ATP6V0A4: variants seen among roughly 807,000 people sequenced by gnomAD.
The protein encoded by ATP6V0A4 is ATPase H+ transporting V0 subunit a4, also known as V-type proton ATPase 116 kDa subunit a 4.
In ATP6V0A4, 86 loss-of-function variants were observed where a neutral mutation model predicts 107.3. That is an observed-to-expected ratio of 0.80 (90% CI 0.67 to 0.96). The LOEUF (loss-of-function observed/expected upper bound fraction) is 0.96, where lower values mean the gene tolerates loss of function less well. ATP6V0A4 is among the 40% of genes least tolerant of loss of function. ATP6V0A4 has a pLI of 0.00. For missense variants in ATP6V0A4, 908 were observed against 1,045.6 expected (o/e 0.87, Z 1.81); for synonymous variants, 353 against 381.4 (o/e 0.93, Z 0.87).
At chr7:138,781,571 C>T (rs1273751671) in intron 2 of ATP6V0A4, among the ~76,000 whole-genome samples, 1 of 152,160 alleles carries the variant, frequency 6.6e-6, no homozygotes, top group African/African-American at 2.4e-5. Flanking sequence ...ACCTCGTGAT[C>T]CACCCACCCT....
At chr7:138,767,254 G>A (rs1293119625) in intron 5 of ATP6V0A4, among the ~76,000 whole-genome samples, 2 of 152,196 alleles carry the variant, frequency 1.3e-5, no homozygotes, top group South Asian at 2.1e-4. Context: ...CAGGCGAGGT[G>A]GCTCACGCCT....
At chr7:138,784,033 A>G (rs905102549) in intron 2 of ATP6V0A4, among the ~76,000 whole-genome samples, 3 of 151,852 alleles carry the variant, frequency 2.0e-5, no homozygotes, top group Non-Finnish European at 2.9e-5. Flanking sequence ...CTAGCCCCCA[A>G]AAGGGTGCCC....
At position 138,769,173 on chromosome 7, in the gene ATP6V0A4, G is replaced by A. The variant is rs146911574; in HGVS notation, c.196C>T (p.Arg66Cys). Residue 66 changes from arginine to cysteine, a missense_variant and splice_region_variant, in exon 4 of 22, where the codon CGT (arginine) becomes TGT (cysteine). Arg to Cys is a radical substitution (Grantham distance 180). Transcript: ENST00000310018. ...RRCESLERIL[R>C]FLEDEMQNEI... Reference sequence around the variant, plus strand: ...AAAAAAAAAAAAAAAATTGGCTTACGGAGGATTCTCTCCAGTGATTCACAC... The same window carrying A: ...AAAAAAAAAAAAAAAATTGGCTTACAGAGGATTCTCTCCAGTGATTCACAC... The A allele has an allele frequency of 5.1e-5, 82 of 1,607,500 alleles. No individual in the cohort carries two copies. The highest frequency in any genetic ancestry group is 6.3e-5 in the Non-Finnish European group (74 of 1,179,450).
chr7:138,708,012 TTTTATTTTATTTATTTA>T (rs1562973458), intron 21 of ATP6V0A4, among the ~76,000 whole-genome samples: 2 of 146,638 alleles, frequency 1.4e-5, no homozygotes, highest in African/African-American at 5.1e-5. Context: ...ATGATTTATG[TTTTATTTTATTTATTTA>T]TTTATTTATT....
intron 20 of ATP6V0A4, among the ~76,000 whole-genome samples, 153 bp downstream of exon 20, chr7:138,715,611 G>A (rs1264216238): frequency 6.6e-6 from 1 of 152,220 alleles, no homozygotes; most frequent in Non-Finnish European, 1.5e-5. Context: ...CAGACCCACA[G>A]AAAAGGCACC....
In ATP6V0A4 at chr7:138,746,003, A is replaced by AAG; in HGVS notation, c.1321-724_1321-723insCT. ...TAAAATATATATTATAAATATAAAT[A>AAG]ATATATATATTTATAACATAATATA... is the stretch of plus-strand genomic sequence containing the variant. On this transcript the variant is annotated intron_variant, in intron 13 of 21. Transcript: ENST00000310018. Among the ~76,000 whole-genome samples the AAG allele has an allele frequency of 4.5e-5, 2 of 44,216 alleles. 1 individual carries two copies. The highest frequency in any genetic ancestry group is 3.6e-3 in the East Asian group (2 of 548). 29.0% of individuals were successfully genotyped at this position (44,216 alleles called of 152,430 possible). A position where few individuals can be genotyped will look rare whatever the true frequency, so the allele number is the denominator to read the frequency against.
chr7:138,771,416 T>C (rs78914432), intron 2 of ATP6V0A4, 152 bp from the exon 3 acceptor site: 3 of 430,888 alleles, frequency 7.0e-6, no homozygotes, highest in East Asian at 3.8e-4. Flanking sequence ...TTTTTTTTTT[T>C]TCTTAGACAG....
intron 20 of ATP6V0A4, among the ~76,000 whole-genome samples, chr7:138,714,497 G>A (rs182316853): frequency 1.3e-5 from 2 of 152,290 alleles, no homozygotes; most frequent in East Asian, 3.9e-4. Flanking sequence ...CTTGAGGCCA[G>A]GAGTGTGAGA....
At chr7:138,717,630 G>A (rs905041375) in intron 19 of ATP6V0A4, among the ~76,000 whole-genome samples, 18 of 151,966 alleles carry the variant, frequency 1.2e-4, no homozygotes, top group African/African-American at 4.1e-4. Flanking sequence ...AAACAAGGCC[G>A]GGCACGGTGG....
intron 2 of ATP6V0A4, among the ~76,000 whole-genome samples, chr7:138,778,636 T>A (rs557027448): frequency 6.6e-6 from 1 of 152,262 alleles, no homozygotes; most frequent in African/African-American, 2.4e-5. Flanking sequence ...AGGGGCAGTC[T>A]GCCAAGAAAG....
At chr7:138,797,953 T>G (rs1265837908) in intron 1 of ATP6V0A4, 81 bp downstream of exon 1, 14 of 1,533,924 alleles carry the variant, frequency 9.1e-6, no homozygotes, top group Non-Finnish European at 1.1e-5. Flanking sequence ...CTCCACCCCA[T>G]GGTGTTTCCC....
chr7:138,732,824 G>T, intron 17 of ATP6V0A4, 53 bp downstream of exon 17: 7 of 1,430,896 alleles, frequency 4.9e-6, no homozygotes, highest in South Asian at 1.3e-5. Flanking sequence ...AGAGAAATTT[G>T]ACATAATCAA....
intron 14 of ATP6V0A4, among the ~76,000 whole-genome samples, chr7:138,740,914 G>C (rs777035427): frequency 3.3e-5 from 5 of 151,600 alleles, no homozygotes; most frequent in Non-Finnish European, 7.4e-5. Flanking sequence ...AGGCTGAGGT[G>C]GGTGAATCAC....
intron 19 of ATP6V0A4, among the ~76,000 whole-genome samples, chr7:138,718,230 GCGCGCAGTTA>G (rs1562980385): frequency 4.0e-4 from 8 of 20,034 alleles, no homozygotes; most frequent in East Asian, 2.1e-3. Flanking sequence ...GTGTGTGTGT[GCGCGCAGTTA>G]TGGATGTCTG....
Position 138,745,215 on chromosome 7 carries a change from C to G in ATP6V0A4, c.1386G>C (p.Thr462=), listed in dbSNP as rs374079735. 6.2e-7 allele frequency: 1 copy of G among 1,614,136 alleles called. No individual in the cohort carries two copies. Among genetic ancestry groups the G allele is most frequent in the South Asian group, 1.1e-5 (1 of 91,084 alleles). ...AGAAGCAGTCATTGTAGATCAAACC[C>G]GTGTAGATGGAGAAGATGCCCATAA... The part of the protein sequence containing the change: ...ILLMGIFSIY[T]GLIYNDCFSK... The change falls in exon 14 of 22, where the codon ACG becomes ACC. Residue 462 remains threonine, a synonymous_variant. Coordinates refer to ENST00000310018, the MANE Select transcript of ATP6V0A4 (RefSeq NM_020632.3).
chr7:138,775,951 T>C (rs1807641158), intron 2 of ATP6V0A4, among the ~76,000 whole-genome samples: 2 of 151,926 alleles, frequency 1.3e-5, no homozygotes, highest in African/African-American at 4.8e-5. Flanking sequence ...TGCTCAGCCA[T>C]TGGCTGATTT....
intron 1 of ATP6V0A4, among the ~76,000 whole-genome samples, chr7:138,797,208 C>CTTTT (rs3842142): frequency 3.4e-4 from 33 of 96,094 alleles, no homozygotes; most frequent in African/African-American, 4.8e-4. Context: ...ATGCCATTTT[C>CTTTT]TTTTTTTTTT....
At chr7:138,707,232 TAATATATATTATATTATATAG>T (rs1431720627) in intron 21 of ATP6V0A4, among the ~76,000 whole-genome samples, 1 of 81,178 alleles carries the variant, frequency 1.2e-5, no homozygotes, top group Non-Finnish European at 2.3e-5. Flanking sequence ...ATATATTATA[TAATATATATTATATTATATAG>T]AATATATATT....
chr7:138,722,292 C>T (rs1469038969), intron 18 of ATP6V0A4, among the ~76,000 whole-genome samples: 2 of 152,036 alleles, frequency 1.3e-5, no homozygotes, highest in Non-Finnish European at 2.9e-5. Flanking sequence ...TGTGCCACTA[C>T]ACTCTAGCCT....
Sources: gnomAD v4.1 joint callset for allele counts (sites outside exome capture counted in the v4.1 genomes callset) on GRCh38, gnomAD v4.1.1 for gene constraint, MANE v1.5 for transcripts, NCBI Gene and HGNC (gene_info 2026-07-23, HGNC 2026-07-21) for gene names.